Variants in SAMD3 observed in about 807,000 individuals in gnomAD.
The protein encoded by SAMD3 is sterile alpha motif domain containing 3.
In SAMD3, 63 loss-of-function variants were observed where a neutral mutation model predicts 58.5. That is an observed-to-expected ratio of 1.08 (90% CI 0.88 to 1.33). The LOEUF is 1.33. Ranked by LOEUF, SAMD3 falls within the 40% of genes most tolerant of loss-of-function variation. The pLI is 0.00. For synonymous variants in SAMD3, 220 were observed against 210.3 expected (o/e 1.05, Z -0.40); for missense variants, 604 against 608.4 (o/e 0.99, Z 0.08).
At chr6:130,311,808 C>G (rs1339110126) in intron 2 of SAMD3, among the ~76,000 whole-genome samples, 1 of 152,148 alleles carries the variant, frequency 6.6e-6, no homozygotes, top group Non-Finnish European at 1.5e-5. Flanking sequence ...ACCTTCCACA[C>G]AGGGTCTCTG....
Position 130,325,306 on chromosome 6 carries a change from A to T in SAMD3, c.-303-12213T>A, listed in dbSNP as rs1418188092. Among the ~76,000 whole-genome samples the T allele has an allele frequency of 2.0e-5, 3 of 152,116 alleles. No homozygotes were observed. The East Asian group carries it at 5.8e-4, about 29-fold the overall frequency. ...AGCTAAGGAAGCTGTGTGAGGACAA[A>T]AGACCTGCGAACCTCGTGAGCTGTT... On this transcript the variant is annotated intron_variant, in intron 1 of 13. Transcript: ENST00000368134.
intron 8 of SAMD3, among the ~76,000 whole-genome samples, chr6:130,157,818 CAA>C (rs1168686877): frequency 1.3e-5 from 2 of 151,816 alleles, no homozygotes; most frequent in Admixed American, 1.3e-4. Flanking sequence ...TGTGATTGTT[CAA>C]GAGAAAACTT....
chr6:130,314,931 TA>T (rs1177083405), intron 1 of SAMD3, among the ~76,000 whole-genome samples: 6 of 152,200 alleles, frequency 3.9e-5, no homozygotes, highest in Admixed American at 2.6e-4. Flanking sequence ...ACCAGTACTT[TA>T]AAAAGTATTA....
At chr6:130,179,621 A>T (rs1582812375) in intron 7 of SAMD3, among the ~76,000 whole-genome samples, 1 of 145,744 alleles carries the variant, frequency 6.9e-6, no homozygotes, top group African/African-American at 2.5e-5. Flanking sequence ...AAAAAAAAAA[A>T]TTAAAGAGAC....
downstream of SAMD3, among the ~76,000 whole-genome samples, chr6:130,143,376 G>T (rs1186375394): frequency 2.0e-5 from 3 of 152,106 alleles, no homozygotes; most frequent in East Asian, 3.8e-4. Context: ...CTCCCAAGTA[G>T]CTGGGACTAC....
intron 2 of SAMD3, among the ~76,000 whole-genome samples, chr6:130,277,294 TG>T (rs1774809066): frequency 6.6e-6 from 1 of 152,224 alleles, no homozygotes; most frequent in South Asian, 2.1e-4. Flanking sequence ...TTATCATTCT[TG>T]TTTCAAAGTT....
intron 2 of SAMD3, among the ~76,000 whole-genome samples, chr6:130,287,972 G>A (rs954065452): frequency 6.6e-6 from 1 of 151,744 alleles, no homozygotes; most frequent in Non-Finnish European, 1.5e-5. Flanking sequence ...AGTTACAGGT[G>A]TGCTGAAGTC....
At chr6:130,308,739 T>C (rs1159256299) in intron 2 of SAMD3, among the ~76,000 whole-genome samples, 1 of 152,088 alleles carries the variant, frequency 6.6e-6, no homozygotes, top group Non-Finnish European at 1.5e-5. Flanking sequence ...TCTTAGATAC[T>C]GATTCACAAT....
rs145575549 is a variant in SAMD3 at position 130,201,377 on chromosome 6, A to T, written c.383+8118T>A. On this transcript the variant is annotated intron_variant, in intron 5 of 11. Transcript: ENST00000439090. ...GTCTCATCCCCAGAAGTTCTTATTC[A>T]TCTAATCCTTTGTTACTCAAAACGT... 2.7e-4 allele frequency among the ~76,000 whole-genome samples: 41 copies of T among 152,334 alleles called. No homozygotes were observed. In the East Asian group the frequency reaches 7.9e-3, roughly 29 times the overall value.
intron 2 of SAMD3, among the ~76,000 whole-genome samples, chr6:130,249,169 G>A (rs891253485): frequency 5.3e-5 from 8 of 152,090 alleles, no homozygotes; most frequent in Non-Finnish European, 8.8e-5. Context: ...GGAAATAAAA[G>A]GGCTGGGACC....
chr6:130,247,466 CAAAA>C (rs1381371663), intron 2 of SAMD3, among the ~76,000 whole-genome samples: 1 of 80,254 alleles, frequency 1.2e-5, no homozygotes. Flanking sequence ...GACTCCATCT[CAAAA>C]AAAAAAAAAA....
chr6:130,317,135 T>C (rs779684577), intron 1 of SAMD3, among the ~76,000 whole-genome samples: 12 of 152,210 alleles, frequency 7.9e-5, no homozygotes, highest in Non-Finnish European at 1.3e-4. Context: ...ACTGTTCTTA[T>C]GATTACTATT....
At chr6:130,180,969 C>T (rs7756546) in intron 7 of SAMD3, among the ~76,000 whole-genome samples, 116,745 of 132,220 alleles carry the variant, frequency 0.88, 51,961 homozygotes, top group East Asian at 0.98. Flanking sequence ...TCTTTTGAGA[C>T]GGAGTTCCGC....
At chr6:130,251,481 TG>T (rs142283055) in intron 2 of SAMD3, among the ~76,000 whole-genome samples, 6,140 of 152,266 alleles carry the variant, frequency 0.04, 138 homozygotes, top group African/African-American at 0.06. Flanking sequence ...ATTTTTCGTC[TG>T]TTTTTTTCTA....
At chr6:130,171,203 G>A (rs1791218054) in intron 8 of SAMD3, among the ~76,000 whole-genome samples, 1 of 152,156 alleles carries the variant, frequency 6.6e-6, no homozygotes, top group Admixed American at 6.5e-5. Context: ...TAGGCATGTG[G>A]TTTTTGTCAT....
intron 1 of SAMD3, among the ~76,000 whole-genome samples, chr6:130,217,067 C>G (rs1796042502): frequency 6.6e-6 from 1 of 152,070 alleles, no homozygotes; most frequent in Admixed American, 6.6e-5. Context: ...CAGATTTTTA[C>G]CACAATTCTA....
chr6:130,192,799 C>G (rs1337434238), intron 5 of SAMD3, among the ~76,000 whole-genome samples: 1 of 152,186 alleles, frequency 6.6e-6, no homozygotes, highest in Non-Finnish European at 1.5e-5. Context: ...AAAGATCCAC[C>G]TACGACCTCA....
At chr6:130,302,584 T>C (rs1775787792) in intron 2 of SAMD3, among the ~76,000 whole-genome samples, 1 of 152,124 alleles carries the variant, frequency 6.6e-6, no homozygotes. Flanking sequence ...TGAGTATCTG[T>C]CCAAAGGAAA....
chr6:130,352,609 A>C (rs1583146666), intron 1 of SAMD3, among the ~76,000 whole-genome samples: 1 of 152,196 alleles, frequency 6.6e-6, no homozygotes, highest in Non-Finnish European at 1.5e-5. Flanking sequence ...CTTAGAGTGA[A>C]GATTATTGAA....
Sources: gnomAD v4.1 joint callset for allele counts (sites outside exome capture counted in the v4.1 genomes callset) on GRCh38, gnomAD v4.1.1 for gene constraint, MANE v1.5 for transcripts, NCBI Gene and HGNC (gene_info 2026-07-23, HGNC 2026-07-21) for gene names.